The following COBL variants were observed in gnomAD, a reference collection of about 807,000 sequenced individuals.
COBL encodes cordon-bleu WH2 repeat protein.
COBL carries 51 observed loss-of-function variants against 98.8 expected under a neutral mutation model. The ratio of observed to expected loss-of-function variants is 0.52; its 90% CI spans 0.41 to 0.65. The LOEUF (loss-of-function observed/expected upper bound fraction) is 0.65. Among genes scored for constraint, COBL ranks in the 30% least tolerant of loss-of-function variants. The pLI, the probability that COBL is intolerant of heterozygous loss-of-function variation, is 0.00. For synonymous variants in COBL, 634 were observed against 651.7 expected, an observed-to-expected ratio of 0.97 and a Z score of 0.41; for missense variants, 1,617 against 1,617.5, an observed-to-expected ratio of 1.00 and a Z score of 0.01.
chr7:51,282,239 A>G (rs1799876212), intron 1 of COBL, among the ~76,000 whole-genome samples: 1 of 152,076 alleles, frequency 6.6e-6, no homozygotes, highest in African/African-American at 2.4e-5. Context: ...ATTTGATGTA[A>G]CGTAATAGTT....
chr7:51,149,668 G>A (rs572555134), intron 5 of COBL, among the ~76,000 whole-genome samples: 11 of 152,212 alleles, frequency 7.2e-5, no homozygotes, highest in South Asian at 4.2e-4. Context: ...GTGCAGTGGC[G>A]CAACCTCAGC....
chr7:51,018,915 T>A (rs369243712), intron 12 of COBL, among the ~76,000 whole-genome samples: 2,044 of 13,166 alleles, frequency 0.16, 311 homozygotes, highest in Non-Finnish European at 0.25. Context: ...AATATATATA[T>A]ATATATATAT....
At chr7:51,082,646 C>T (rs1288095545) in intron 7 of COBL, among the ~76,000 whole-genome samples, 3 of 150,636 alleles carry the variant, frequency 2.0e-5, no homozygotes, top group African/African-American at 7.3e-5. Flanking sequence ...TTACGAAGGA[C>T]GTCCTCCCAG....
rs10230120 is a variant in COBL at position 51,029,366 on chromosome 7, T to G, written c.1730A>C (p.Asp577Ala). 0.96 allele frequency: 1,537,850 copies of G among 1,607,018 alleles called. 736,153 individuals carry two copies. The highest frequency in any genetic ancestry group is 1 in the East Asian group (44,703 of 44,728). Residue 577 changes from aspartate to alanine, a missense_variant, in exon 10 of 13, where the codon GAC becomes GCC. Transcript: ENST00000265136. ...CTCAGCTTGAAGTGGCGCCAGGGAG[T>G]CTCTCCTGCTGGCAACACCCTCCGA... ...FDSEGVASRR[D>A]SLAPLQAEHS...
intron 5 of COBL, among the ~76,000 whole-genome samples, chr7:51,170,532 AATAT>A (rs1287006928): frequency 7.2e-6 from 1 of 139,656 alleles, no homozygotes; most frequent in Non-Finnish European, 1.6e-5. Flanking sequence ...TATATATATA[AATAT>A]ATATCACATA....
chr7:51,231,025 C>G lies in COBL; in HGVS notation c.42-11081G>C, dbSNP rs115557924. ...GTGACTGGGAGAGGGGTTAACACTG[C>G]CTGGGTTCAAATCTCAGCACCACCG... On this transcript the variant is annotated intron_variant, in intron 1 of 12. Coordinates refer to ENST00000265136, the MANE Select transcript of COBL (RefSeq NM_015198.5). Among the ~76,000 whole-genome samples the G allele has an allele frequency of 7.5e-3, 1,144 of 152,284 alleles. 14 individuals are homozygous for G. Among genetic ancestry groups the G allele is most frequent in the African/African-American group, 0.027 (1,111 of 41,562 alleles).
At chr7:51,187,926 G>A (rs1487112703) in intron 4 of COBL, 56 of 1,232,326 alleles carry the variant, frequency 4.5e-5, no homozygotes, top group Non-Finnish European at 5.5e-5. Context: ...TGACAGCTCA[G>A]GGAAGGCTCG....
intron 2 of COBL, among the ~76,000 whole-genome samples, chr7:51,213,905 C>T (rs553007581): frequency 6.4e-4 from 97 of 152,032 alleles, no homozygotes; most frequent in African/African-American, 2.2e-3. Flanking sequence ...TTAGTGGGGG[C>T]GGGGGTTGCT....
chr7:51,235,864 C>T (rs543140864), intron 1 of COBL, among the ~76,000 whole-genome samples: 5 of 152,198 alleles, frequency 3.3e-5, no homozygotes, highest in Admixed American at 6.5e-5. Flanking sequence ...CTACCCACCC[C>T]CTCCTGCACT....
chr7:51,174,410 A>C (rs1208912134), intron 5 of COBL, among the ~76,000 whole-genome samples: 1 of 152,238 alleles, frequency 6.6e-6, no homozygotes, highest in Admixed American at 6.5e-5. Context: ...AAATTATCCA[A>C]TAAAGATAAG....
chr7:51,231,549 C>T (rs922910700), intron 1 of COBL, among the ~76,000 whole-genome samples: 14 of 152,314 alleles, frequency 9.2e-5, no homozygotes, highest in Admixed American at 3.9e-4. Flanking sequence ...CGGGGAAGTG[C>T]AGGAGCTTGA....
rs753306254 is a variant in COBL, at chr7:51,219,825, A to C, written c.161T>G (p.Met54Arg). The change falls in exon 2 of 13, where the codon ATG becomes AGG. Residue 54 changes from methionine to arginine, a missense_variant. This residue lies in a region of COBL where 238 missense variants were observed against 215.0 expected (regional missense o/e 1.11). Transcript: ENST00000265136. The stretch of plus-strand genomic sequence containing the variant: ...GGTGCTGGCCCTCAGCGCCTCCTTC[A>C]TGCGAACCAAGTTCTGCTGCGACCC... ...ALGSQQNLVR[M>R]KEALRASTMD... The C allele has an allele frequency of 1.2e-6, 2 of 1,614,042 alleles. No individual in the cohort carries two copies. Among genetic ancestry groups the C allele is most frequent in the South Asian group, 2.2e-5 (2 of 91,066 alleles).
chr7:51,064,891 A>G, intron 7 of COBL: 1 of 499,278 alleles, frequency 2.0e-6, no homozygotes, highest in Non-Finnish European at 3.5e-6. Flanking sequence ...CACAGTCTCC[A>G]GGGCCCTGCT....
chr7:51,259,741 T>C lies in COBL; in HGVS notation c.42-39797A>G, dbSNP rs1238917572. 4.0e-6 allele frequency: 3 copies of C among 744,236 alleles called. No homozygotes were observed. In the African/African-American group the frequency reaches 5.1e-5, roughly 13 times the overall value. 46.1% of individuals were successfully genotyped at this position (744,236 alleles called of 1,614,324 possible). On this transcript the variant is annotated intron_variant, in intron 1 of 12. Coordinates refer to ENST00000265136, the MANE Select transcript of COBL (RefSeq NM_015198.5). ...TGAGTTCCCAGGCAGACTTCAGATG[T>C]GGAAATACCCAGATCACATAAGTTT...
At chr7:51,240,608 G>A (rs754962726) in intron 1 of COBL, among the ~76,000 whole-genome samples, 22 of 151,972 alleles carry the variant, frequency 1.4e-4, no homozygotes, top group African/African-American at 3.4e-4. Flanking sequence ...GTGCACTGGC[G>A]CGATCGCGGC....
At chr7:51,122,583 T>G (rs1213488591) in intron 6 of COBL, among the ~76,000 whole-genome samples, 1 of 152,250 alleles carries the variant, frequency 6.6e-6, no homozygotes, top group South Asian at 2.1e-4. Context: ...TACTTGGCTG[T>G]TTATTACAAA....
chr7:51,146,597 TA>T (rs773631043), intron 5 of COBL, among the ~76,000 whole-genome samples: 222 of 129,686 alleles, frequency 1.7e-3, no homozygotes, highest in Non-Finnish European at 2.4e-3. Context: ...TTGTTGGAAA[TA>T]AAAAGAGGAG....
intron 7 of COBL, among the ~76,000 whole-genome samples, chr7:51,067,565 C>T (rs1213529014): frequency 6.6e-6 from 1 of 152,220 alleles, no homozygotes; most frequent in East Asian, 1.9e-4. Context: ...CATACACACA[C>T]ATCCCTTTTT....
chr7:51,072,823 G>A (rs1792698457), intron 7 of COBL: 1 of 152,162 alleles, frequency 6.6e-6, no homozygotes, highest in African/African-American at 2.4e-5. Context: ...CAAAGACATT[G>A]GGTCCTATGT....
Sources: allele counts gnomAD v4.1 joint callset (sites outside exome capture counted in the v4.1 genomes callset), GRCh38; gene constraint gnomAD v4.1.1; regional missense constraint gnomAD v4.1.1; transcripts MANE v1.5; gene names NCBI Gene and HGNC (gene_info 2026-07-23, HGNC 2026-07-21).